The following TBC1D9 variants were observed in gnomAD, a reference collection of about 807,000 sequenced individuals.
The protein encoded by TBC1D9 is TBC1 domain family member 9.
TBC1D9 carries 63 observed loss-of-function variants against 132.0 expected under a neutral mutation model. That is an observed-to-expected ratio of 0.48 (90% CI 0.39 to 0.59). The LOEUF is 0.59. Among genes scored for constraint, TBC1D9 ranks in the 20% least tolerant of loss-of-function variants. TBC1D9 has a pLI of 0.00. For missense variants in TBC1D9, 1,261 were observed against 1,592.7 expected, an observed-to-expected ratio of 0.79 and a Z score of 3.54; for synonymous variants, 610 against 609.9, an observed-to-expected ratio of 1.00 and a Z score of 0.00.
intron 2 of TBC1D9, among the ~76,000 whole-genome samples, chr4:140,698,752 G>A (rs928285937): frequency 1.4e-5 from 2 of 148,062 alleles, no homozygotes; most frequent in Non-Finnish European, 3.0e-5. Flanking sequence ...GTGGGGGGGG[G>A]AAAGACATAA....
At chr4:140,623,885 C>A (rs1736664087) in intron 20 of TBC1D9, among the ~76,000 whole-genome samples, 1 of 152,152 alleles carries the variant, frequency 6.6e-6, no homozygotes, top group Admixed American at 6.5e-5. Context: ...CATTTACTCT[C>A]AAAATGGAAT....
intron 1 of TBC1D9, among the ~76,000 whole-genome samples, chr4:140,731,603 C>T (rs1275893704): frequency 1.3e-5 from 2 of 151,840 alleles, no homozygotes; most frequent in South Asian, 4.2e-4. Context: ...CAAGCTGTTG[C>T]GTGTCTTATA....
chr4:140,755,351 A>G (rs1418280388), intron 1 of TBC1D9, among the ~76,000 whole-genome samples: 1 of 152,234 alleles, frequency 6.6e-6, no homozygotes, highest in African/African-American at 2.4e-5. Context: ...TACAACTAGA[A>G]CCAGACAATT....
chr4:140,633,818 T>A (rs1291239195), intron 16 of TBC1D9, 130 bp downstream of exon 16: 7 of 1,143,242 alleles, frequency 6.1e-6, no homozygotes, highest in Non-Finnish European at 8.6e-6. Flanking sequence ...ACTATGTTCA[T>A]GAAAAACACA....
chr4:140,653,656 C>T (rs1484279085), intron 13 of TBC1D9, among the ~76,000 whole-genome samples: 5 of 152,092 alleles, frequency 3.3e-5, no homozygotes, highest in East Asian at 1.9e-4. Flanking sequence ...AGCAAGAGTT[C>T]GTGGTGTTCT....
intron 1 of TBC1D9, among the ~76,000 whole-genome samples, chr4:140,751,511 C>T (rs961862472): frequency 2.6e-5 from 4 of 152,044 alleles, no homozygotes; most frequent in Non-Finnish European, 5.9e-5. Flanking sequence ...GTCTTTATAA[C>T]CACAGAGCAG....
At chr4:140,715,014 C>T (rs751407948) in intron 1 of TBC1D9, among the ~76,000 whole-genome samples, 8 of 152,118 alleles carry the variant, frequency 5.3e-5, no homozygotes, top group South Asian at 4.2e-4. Flanking sequence ...CCTAGCTACT[C>T]GGGAGGCTAA....
rs752863685 is a variant in TBC1D9 at position 140,719,151 on chromosome 4, TAAATAAATA to T, written c.131-17546_131-17538del. ...ATAAATAAATAAATAAATAAATAAA[TAAATAAATA>T]AAAGAAAGTGGATTCAAGTCTTCAT... On this transcript the variant is annotated intron_variant, in intron 1 of 20. Coordinates refer to ENST00000442267, the MANE Select transcript of TBC1D9 (RefSeq NM_015130.3). 9.5e-3 allele frequency among the ~76,000 whole-genome samples: 1,410 copies of T among 149,180 alleles called. 15 individuals carry two copies. Among genetic ancestry groups the T allele is most frequent in the Non-Finnish European group, 0.013 (893 of 66,970 alleles).
At chr4:140,737,517 C>T (rs1474698498) in intron 1 of TBC1D9, among the ~76,000 whole-genome samples, 1 of 151,622 alleles carries the variant, frequency 6.6e-6, no homozygotes, top group Non-Finnish European at 1.5e-5. Context: ...AGGGTCTTCC[C>T]CACAATAAGA....
At chr4:140,726,247 C>A (rs143933249) in intron 1 of TBC1D9, among the ~76,000 whole-genome samples, 2 of 151,872 alleles carry the variant, frequency 1.3e-5, no homozygotes, top group Non-Finnish European at 2.9e-5. Context: ...CAAGACTGCA[C>A]CACTGAACTC....
intron 1 of TBC1D9, among the ~76,000 whole-genome samples, chr4:140,750,627 A>C (rs1183859396): frequency 2.0e-5 from 3 of 152,274 alleles, no homozygotes; most frequent in East Asian, 3.9e-4. Flanking sequence ...AAACACCGAG[A>C]AAAACTTGTA....
At chr4:140,622,977 G>C in intron 20 of TBC1D9, 60 bp from the exon 21 acceptor site, 1 of 1,453,742 alleles carries the variant, frequency 6.9e-7, no homozygotes, top group South Asian at 1.4e-5. Flanking sequence ...AGGCAGCACT[G>C]AAGTGGACTG....
At chr4:140,686,307 TA>T in intron 3 of TBC1D9, 36 bp downstream of exon 3, 1 of 1,217,106 alleles carries the variant, frequency 8.2e-7, no homozygotes, top group Admixed American at 1.9e-5. Context: ...AATTTGAAAT[TA>T]TTTCCAATTA....
chr4:140,630,783 T>C (rs979283873), intron 16 of TBC1D9, among the ~76,000 whole-genome samples: 3 of 152,230 alleles, frequency 2.0e-5, no homozygotes, highest in Non-Finnish European at 4.4e-5. Context: ...AAGTGTACTC[T>C]GCCTTCATGG....
chr4:140,701,960 C>T (rs1173365654), intron 1 of TBC1D9, among the ~76,000 whole-genome samples: 3 of 152,126 alleles, frequency 2.0e-5, no homozygotes, highest in Admixed American at 6.5e-5. Context: ...CCTGTGGGCA[C>T]AAAACTGAAG....
At chr4:140,736,948 A>G (rs938546878) in intron 1 of TBC1D9, among the ~76,000 whole-genome samples, 1 of 152,120 alleles carries the variant, frequency 6.6e-6, no homozygotes, top group Non-Finnish European at 1.5e-5. Flanking sequence ...GCAGTCTCCA[A>G]TCTTTTTGGC....
In TBC1D9 at chr4:140,752,240, A is replaced by G. The variant is rs1163289086; in HGVS notation, c.130+3676T>C. 2.6e-5 allele frequency among the ~76,000 whole-genome samples: 4 copies of G among 152,346 alleles called. No homozygotes were observed. In the East Asian group the frequency reaches 5.8e-4, roughly 22 times the overall value. ...CTCATATCATAGTTTTCTACACAGA[A>G]CAGAAAAATGAATGAATTACAACCA... On this transcript the variant is annotated intron_variant, in intron 1 of 20. Transcript: ENST00000442267.
rs777884969 is a variant in TBC1D9, at chr4:140,622,147, A to T, written c.*48T>A. On this transcript the variant is annotated 3_prime_UTR_variant, in exon 21 of 21. Coordinates refer to ENST00000442267, the MANE Select transcript of TBC1D9 (RefSeq NM_015130.3). ...AAAACTCAACACAGAAGAACATAAAAAATCCCTCCCCTCCCTCTCCTCCCA... is the reference window on the plus strand; with the variant it reads ...AAAACTCAACACAGAAGAACATAAATAATCCCTCCCCTCCCTCTCCTCCCA... The T allele has an allele frequency of 2.4e-4, 366 of 1,508,602 alleles. No homozygotes were observed. Among genetic ancestry groups the T allele is most frequent in the Non-Finnish European group, 3.1e-4 (348 of 1,127,998 alleles). The allele number at this position is 1,508,602 out of a possible 1,614,324, so 93.5% of individuals were successfully genotyped here.
At chr4:140,696,564 C>A (rs1475806326) in intron 2 of TBC1D9, among the ~76,000 whole-genome samples, 1 of 151,720 alleles carries the variant, frequency 6.6e-6, no homozygotes, top group African/African-American at 2.4e-5. Flanking sequence ...TTCATATTGC[C>A]GAGGGCCAGG....
Sources: allele counts gnomAD v4.1 joint callset (sites outside exome capture counted in the v4.1 genomes callset), GRCh38; gene constraint gnomAD v4.1.1; transcripts MANE v1.5; gene names NCBI Gene and HGNC (gene_info 2026-07-23, HGNC 2026-07-21).